The following MAGI1 variants were observed in gnomAD, a reference collection of about 807,000 sequenced individuals.
MAGI1 encodes membrane associated guanylate kinase, WW and PDZ domain containing 1.
Under a neutral mutation model 139.9 loss-of-function variants are expected in MAGI1, and 58 were observed. The ratio of observed to expected loss-of-function variants is 0.41; its 90% confidence interval spans 0.34 to 0.52. The LOEUF (loss-of-function observed/expected upper bound fraction) is 0.52, where lower values mean the gene tolerates loss of function less well. Among genes scored for constraint, MAGI1 ranks in the 20% least tolerant of loss-of-function variants. MAGI1 has a pLI of 0.12. For missense variants in MAGI1, 1,874 were observed against 1,901.6 expected, an observed-to-expected ratio of 0.99 and a Z score of 0.27; for synonymous variants, 812 against 737.9, an observed-to-expected ratio of 1.10 and a Z score of -1.63.
intron 6 of MAGI1, among the ~76,000 whole-genome samples, chr3:65,448,540 G>C (rs1948815063): frequency 6.6e-6 from 1 of 152,136 alleles, no homozygotes; most frequent in Non-Finnish European, 1.5e-5. Context: ...AGGTCAAATT[G>C]AAAGTGCAGA....
chr3:65,623,252 G>GGTT (rs55663245), intron 1 of MAGI1, among the ~76,000 whole-genome samples: 14 of 151,750 alleles, frequency 9.2e-5, no homozygotes, highest in South Asian at 2.1e-4. Context: ...GTTGCTTTTT[G>GGTT]GTTGTTGTTG....
chr3:65,966,635 G>A (rs2064758637), intron 1 of MAGI1, among the ~76,000 whole-genome samples: 1 of 152,046 alleles, frequency 6.6e-6, no homozygotes, highest in Non-Finnish European at 1.5e-5. Flanking sequence ...TGGGGGCGCG[G>A]CCAAAGCCTA....
At chr3:65,973,112 T>C (rs998691228) in intron 1 of MAGI1, among the ~76,000 whole-genome samples, 2 of 151,968 alleles carry the variant, frequency 1.3e-5, no homozygotes, top group African/African-American at 4.8e-5. Flanking sequence ...ATCATGCCAC[T>C]ACACTCCAGC....
intron 22 of MAGI1, among the ~76,000 whole-genome samples, chr3:65,357,649 C>A (rs1277226549): frequency 1.3e-5 from 2 of 152,046 alleles, no homozygotes; most frequent in Non-Finnish European, 2.9e-5. Flanking sequence ...GGGCAGGAAT[C>A]ATCTACATCT....
chr3:65,972,095 C>T (rs2065039435), intron 1 of MAGI1, among the ~76,000 whole-genome samples: 2 of 152,202 alleles, frequency 1.3e-5, no homozygotes, highest in Non-Finnish European at 2.9e-5. Flanking sequence ...GCCTGGCAGC[C>T]TGACTGGTCC....
At chr3:65,977,780 A>C (rs1395564188) in intron 1 of MAGI1, among the ~76,000 whole-genome samples, 1 of 151,096 alleles carries the variant, frequency 6.6e-6, no homozygotes, top group African/African-American at 2.4e-5. Context: ...ACAGGCCTCC[A>C]TCTCCTGTTT....
At chr3:65,793,408 C>T (rs552104960) in intron 1 of MAGI1, among the ~76,000 whole-genome samples, 1 of 152,330 alleles carries the variant, frequency 6.6e-6, no homozygotes, top group Admixed American at 6.5e-5. Context: ...TTACTTTCCA[C>T]TGTGAATCCC....
chr3:65,725,485 G>T (rs949583551), intron 1 of MAGI1, among the ~76,000 whole-genome samples: 1 of 152,192 alleles, frequency 6.6e-6, no homozygotes, highest in East Asian at 1.9e-4. Flanking sequence ...GGAGGACAGA[G>T]GTACAATTAT....
chr3:65,645,958 C>T (rs529435789), intron 1 of MAGI1, among the ~76,000 whole-genome samples: 1 of 151,476 alleles, frequency 6.6e-6, no homozygotes, highest in Non-Finnish European at 1.5e-5. Flanking sequence ...AATAAATGCT[C>T]AACCCACAGG....
At chr3:65,387,817 T>C (rs755479152) in intron 14 of MAGI1, among the ~76,000 whole-genome samples, 6 of 152,216 alleles carry the variant, frequency 3.9e-5, no homozygotes, top group Non-Finnish European at 8.8e-5. Flanking sequence ...CTCACTATGA[T>C]AAAGAAGCTC....
intron 1 of MAGI1, among the ~76,000 whole-genome samples, chr3:65,756,709 T>A (rs2036595076): frequency 6.6e-6 from 1 of 152,180 alleles, no homozygotes; most frequent in Admixed American, 6.5e-5. Context: ...ATTACAGTCA[T>A]ATTTCCAGAT....
chr3:65,568,812 AG>A (rs2080806055), intron 2 of MAGI1, among the ~76,000 whole-genome samples: 1 of 152,212 alleles, frequency 6.6e-6, no homozygotes, highest in South Asian at 2.1e-4. Flanking sequence ...AAATAGAAAG[AG>A]GTCTGTCATT....
At chr3:65,651,181 C>T (rs944726336) in intron 1 of MAGI1, among the ~76,000 whole-genome samples, 5 of 152,114 alleles carry the variant, frequency 3.3e-5, no homozygotes, top group East Asian at 3.9e-4. Flanking sequence ...TCTAGGATCA[C>T]GCGTCACACA....
chr3:65,594,390 C>G (rs552515434), intron 2 of MAGI1, among the ~76,000 whole-genome samples: 5 of 152,316 alleles, frequency 3.3e-5, no homozygotes, highest in Admixed American at 6.5e-5. Flanking sequence ...TGAAGGCCAA[C>G]AGTAGCAGAA....
chr3:65,981,718 C>T lies in MAGI1; in HGVS notation c.313+56278G>A, dbSNP rs371212347. Reference sequence around the variant, plus strand: ...CTCTGGTGGTAGTGAATAAGTCTCACAAGAACTGATGGTTTTATAAGGGGA... The same window carrying T: ...CTCTGGTGGTAGTGAATAAGTCTCATAAGAACTGATGGTTTTATAAGGGGA... On this transcript the variant is annotated intron_variant, in intron 1 of 22. Coordinates refer to ENST00000402939, the MANE Select transcript of MAGI1 (RefSeq NM_001033057.2). 2.0e-5 allele frequency among the ~76,000 whole-genome samples: 3 copies of T among 152,148 alleles called. No homozygotes were observed. In the East Asian group the frequency reaches 5.8e-4, roughly 29 times the overall value.
chr3:65,480,895 TTTC>T (rs1440881917), intron 3 of MAGI1, among the ~76,000 whole-genome samples: 40 of 152,244 alleles, frequency 2.6e-4, no homozygotes, highest in African/African-American at 9.6e-4. Flanking sequence ...GCCAATAAGG[TTTC>T]TTTTTTAAGA....
chr3:65,550,282 C>T (rs1336347408), intron 2 of MAGI1, among the ~76,000 whole-genome samples: 1 of 152,156 alleles, frequency 6.6e-6, no homozygotes, highest in African/African-American at 2.4e-5. Flanking sequence ...TAAGTAATTG[C>T]CAAAGGTCAC....
Position 65,583,549 on chromosome 3 carries a change from A to G in MAGI1, c.430+38423T>C, listed in dbSNP as rs568718270. Among the ~76,000 whole-genome samples the G allele has an allele frequency of 2.0e-5, 3 of 152,258 alleles. No individual in the cohort carries two copies. In the South Asian group the frequency reaches 6.2e-4, roughly 32 times the overall value. On this transcript the variant is annotated intron_variant, in intron 2 of 22. Coordinates refer to ENST00000402939, the MANE Select transcript of MAGI1 (RefSeq NM_001033057.2). ...TACTGACAGCAGGGAAATGGGAACT[A>G]ACTACAAGGTTTTTTTTTTAAACAG...
chr3:65,519,552 A>C (rs1030468384), intron 2 of MAGI1, among the ~76,000 whole-genome samples: 1 of 151,880 alleles, frequency 6.6e-6, no homozygotes, highest in Admixed American at 6.6e-5. Context: ...CGGCTGGCTA[A>C]TTTTTGTATT....
Sources: gnomAD v4.1 joint callset for allele counts (sites outside exome capture counted in the v4.1 genomes callset) on GRCh38, gnomAD v4.1.1 for gene constraint, MANE v1.5 for transcripts, NCBI Gene and HGNC (gene_info 2026-07-23, HGNC 2026-07-21) for gene names.